ATXN1: variants seen among roughly 807,000 people sequenced by gnomAD.
The protein encoded by ATXN1 is ataxin 1.
In ATXN1, 8 loss-of-function variants were observed where a neutral mutation model predicts 56.4. That is an observed-to-expected ratio of 0.14 (90% confidence interval 0.08 to 0.26). The LOEUF is 0.26. Ranked by LOEUF, ATXN1 falls within the 10% of genes least tolerant of loss-of-function variation. ATXN1 has a pLI of 1.00. For missense variants in ATXN1, 987 were observed against 1,106.5 expected (o/e 0.89, Z 1.53); for synonymous variants, 514 against 494.6 (o/e 1.04, Z -0.52).
intron 6 of ATXN1, among the ~76,000 whole-genome samples, chr6:16,476,692 T>C (rs748128175): frequency 9.2e-5 from 14 of 152,318 alleles, no homozygotes; most frequent in Admixed American, 3.3e-4. Context: ...CAAAACTGAT[T>C]TACTTTATCT....
At chr6:16,441,848 T>G (rs982998457) in intron 6 of ATXN1, among the ~76,000 whole-genome samples, 4 of 150,694 alleles carry the variant, frequency 2.7e-5, no homozygotes, top group Non-Finnish European at 5.9e-5. Flanking sequence ...AGGAAAGAAA[T>G]AGAATTCAAG....
chr6:16,418,546 CT>C (rs982364078), intron 6 of ATXN1, among the ~76,000 whole-genome samples: 9 of 152,014 alleles, frequency 5.9e-5, no homozygotes, highest in African/African-American at 7.2e-5. Context: ...TGCAATACTC[CT>C]TTTTTTTATT....
chr6:16,383,827 G>T lies in ATXN1; in HGVS notation c.-160-55357C>A, dbSNP rs181324067. On this transcript the variant is annotated intron_variant, in intron 6 of 7. Transcript: ENST00000436367. ...GAAATGATTAACCTGTCATAGAAAA[G>T]GTCATGAATGTAGTGCCAGCTACAG... 3.4e-4 allele frequency among the ~76,000 whole-genome samples: 52 copies of T among 152,318 alleles called. No individual in the cohort carries two copies. In the South Asian group the frequency reaches 7.5e-3, roughly 22 times the overall value.
chr6:16,651,395 T>G (rs1159200596), intron 3 of ATXN1, among the ~76,000 whole-genome samples: 1 of 151,926 alleles, frequency 6.6e-6, no homozygotes, highest in Non-Finnish European at 1.5e-5. Context: ...ATACAAAAAA[T>G]TAGCCAGGTG....
chr6:16,332,703 TAG>T (rs1761020075), intron 6 of ATXN1, among the ~76,000 whole-genome samples: 1 of 152,222 alleles, frequency 6.6e-6, no homozygotes, highest in Non-Finnish European at 1.5e-5. Flanking sequence ...CAAATGTATT[TAG>T]AGTTTGCTAC....
Position 16,347,312 on chromosome 6 carries a change from C to A in ATXN1, c.-160-18842G>T, listed in dbSNP as rs544565430. ...AGCTGGGCTCCTGAGTCTGGTGGGGCCTTGGAGAACCTTTATGTCTAGCTA... is the reference window on the plus strand; with the variant it reads ...AGCTGGGCTCCTGAGTCTGGTGGGGACTTGGAGAACCTTTATGTCTAGCTA... On this transcript the variant is annotated intron_variant, in intron 6 of 7. Transcript: ENST00000436367. Among the ~76,000 whole-genome samples the A allele has an allele frequency of 1.2e-4, 18 of 152,310 alleles. 1 individual carries two copies. In the East Asian group the frequency reaches 1.9e-3, roughly 16 times the overall value.
At chr6:16,453,966 C>T (rs1047072111) in intron 6 of ATXN1, among the ~76,000 whole-genome samples, 2 of 151,816 alleles carry the variant, frequency 1.3e-5, no homozygotes, top group Admixed American at 6.6e-5. Context: ...CATGGCAAAA[C>T]CCCGTCTCTA....
chr6:16,306,949 G>A lies in ATXN1; in HGVS notation c.1918-90C>T. ...TGTTTGATTTTATGCACACACACAG[G>A]TATGAACTCACACAGACACACACAG... On this transcript the variant is annotated intron_variant, in intron 7 of 7. Transcript: ENST00000436367. The surrounding 1 kb of genome is among the most constrained non-coding windows in gnomAD (Gnocchi z 5.2). The A allele has an allele frequency of 7.1e-7, 1 of 1,401,424 alleles. No individual in the cohort carries two copies. The highest frequency in any genetic ancestry group is 1.4e-5 in the African/African-American group (1 of 69,398). The allele number at this position is 1,401,424 out of a possible 1,614,324, so 86.8% of individuals were successfully genotyped here.
chr6:16,351,235 A>C (rs890015981), intron 6 of ATXN1, among the ~76,000 whole-genome samples: 1 of 152,164 alleles, frequency 6.6e-6, no homozygotes, highest in African/African-American at 2.4e-5. Context: ...TTCTTTTATA[A>C]TTATGAGAAC....
chr6:16,744,081 GAAC>G (rs1760439256), intron 2 of ATXN1, among the ~76,000 whole-genome samples: 1 of 152,114 alleles, frequency 6.6e-6, no homozygotes, highest in African/African-American at 2.4e-5. Context: ...TGTTGGACCA[GAAC>G]AACAATACAT....
intron 6 of ATXN1, among the ~76,000 whole-genome samples, chr6:16,337,313 T>C (rs1230294602): frequency 1.3e-5 from 2 of 152,194 alleles, no homozygotes; most frequent in African/African-American, 2.4e-5. Context: ...ACATCGGCCA[T>C]GTGGCTGGGG....
chr6:16,516,412 C>T (rs1761184922), intron 5 of ATXN1, among the ~76,000 whole-genome samples: 1 of 152,160 alleles, frequency 6.6e-6, no homozygotes, highest in Admixed American at 6.5e-5. Flanking sequence ...TAGCAGGTGA[C>T]AAGTGTCCCT....
chr6:16,388,705 C>T (rs910649192), intron 6 of ATXN1, among the ~76,000 whole-genome samples: 1 of 152,092 alleles, frequency 6.6e-6, no homozygotes, highest in East Asian at 1.9e-4. Flanking sequence ...TAACCACAGC[C>T]CAGCTAGTGG....
At chr6:16,343,638 C>A (rs1173576076) in intron 6 of ATXN1, among the ~76,000 whole-genome samples, 3 of 152,192 alleles carry the variant, frequency 2.0e-5, no homozygotes, top group Admixed American at 6.5e-5. Flanking sequence ...AGACTGAAAG[C>A]TGGCCGATAT....
intron 2 of ATXN1, among the ~76,000 whole-genome samples, chr6:16,711,779 G>T (rs978635792): frequency 6.6e-6 from 1 of 151,854 alleles, no homozygotes; most frequent in Non-Finnish European, 1.5e-5. Context: ...CACTGCTGCC[G>T]CCTAGTTTTT....
intron 6 of ATXN1, among the ~76,000 whole-genome samples, chr6:16,447,414 G>C (rs879675158): frequency 7.9e-5 from 12 of 151,990 alleles, no homozygotes; most frequent in Non-Finnish European, 1.5e-4. Flanking sequence ...AGTAGGGATG[G>C]GGTTTCACCA....
At chr6:16,512,767 G>A (rs1372412414) in intron 5 of ATXN1, among the ~76,000 whole-genome samples, 1 of 152,136 alleles carries the variant, frequency 6.6e-6, no homozygotes, top group Non-Finnish European at 1.5e-5. Context: ...CCAATGCCAG[G>A]AGCTACAGCA....
chr6:16,607,551 G>A (rs984037208), intron 3 of ATXN1, among the ~76,000 whole-genome samples: 9 of 152,134 alleles, frequency 5.9e-5, no homozygotes, highest in African/African-American at 1.4e-4. Flanking sequence ...TGGGGTGGGT[G>A]GGAAATCCAA....
rs1760147299 is a variant in ATXN1 at position 16,302,954 on chromosome 6, C to T, written c.*3375G>A. 1 of 152,674 alleles carries T rather than the reference C, an allele frequency of 6.5e-6. No individual in the cohort carries two copies. The highest frequency in any genetic ancestry group is 1.5e-5 in the Non-Finnish European group (1 of 68,058). 9.5% of individuals were successfully genotyped at this position (152,674 alleles called of 1,614,324 possible). ...CTCGGGGCCCGCCAACGTCTGCAAA[C>T]AGGAGGCTCCTGCCCTCTGTGCGTT... On this transcript the variant is annotated 3_prime_UTR_variant, in exon 8 of 8. Transcript: ENST00000436367.
Sources: allele counts gnomAD v4.1 joint callset (sites outside exome capture counted in the v4.1 genomes callset), GRCh38; gene constraint gnomAD v4.1.1; non-coding constraint Gnocchi (gnomAD v3.1); transcripts MANE v1.5; gene names NCBI Gene and HGNC (gene_info 2026-07-23, HGNC 2026-07-21).